The following TNR variants were observed in gnomAD, a reference collection of about 807,000 sequenced individuals.
TNR encodes the protein tenascin-R.
In TNR, 45 loss-of-function variants were observed where a neutral mutation model predicts 150.4. The observed-to-expected ratio is 0.30, with a 90% CI of 0.24 to 0.38. The LOEUF (loss-of-function observed/expected upper bound fraction) is 0.38. TNR is among the 10% of genes least tolerant of loss of function. The probability of loss-of-function intolerance (pLI) is 1.00; values close to 1 mark genes in which losing one functional copy is unlikely to be tolerated. For missense variants in TNR, 1,544 were observed against 1,759.1 expected (o/e 0.88, Z 2.19); for synonymous variants, 687 against 678.4 (o/e 1.01, Z -0.20).
At chr1:175,581,250 A>C (rs1289430509) in intron 1 of TNR, among the ~76,000 whole-genome samples, 1 of 152,166 alleles carries the variant, frequency 6.6e-6, no homozygotes, top group Admixed American at 6.6e-5. Flanking sequence ...TTTCCTCCAG[A>C]GCAGGGGTTG....
At chr1:175,569,035 C>T (rs928380645) in intron 1 of TNR, among the ~76,000 whole-genome samples, 3 of 151,788 alleles carry the variant, frequency 2.0e-5, no homozygotes, top group Admixed American at 6.6e-5. Context: ...AGGAAGGGCC[C>T]GTGGTTGGCC....
chr1:175,694,961 C>T (rs1666469715), intron 1 of TNR, among the ~76,000 whole-genome samples: 2 of 152,322 alleles, frequency 1.3e-5, no homozygotes, highest in South Asian at 4.1e-4. Context: ...CAAACAAACA[C>T]ATCTCAACAA....
rs79843123 is a variant in TNR, at chr1:175,588,136, A to G, written c.-164-59767T>C. 1.7e-3 allele frequency among the ~76,000 whole-genome samples: 260 copies of G among 152,344 alleles called. 4 individuals are homozygous for G. The East Asian group carries it at 0.042, about 24-fold the overall frequency. ...GTGGGATGGACTGCTTTTAGAGATA[A>G]TGAGTTCACAGTCACTGGAGGAATT... On this transcript the variant is annotated intron_variant, in intron 1 of 22. Transcript: ENST00000367674.
At chr1:175,482,862 C>T (rs541872904) in intron 2 of TNR, among the ~76,000 whole-genome samples, 77 of 152,334 alleles carry the variant, frequency 5.1e-4, no homozygotes, top group Non-Finnish European at 6.6e-4. Context: ...TGGGCTTTGT[C>T]TGTGCACTAG....
chr1:175,357,106 T>G (rs1360206170), intron 15 of TNR, among the ~76,000 whole-genome samples: 2 of 152,186 alleles, frequency 1.3e-5, no homozygotes, highest in Non-Finnish European at 2.9e-5. Context: ...TCCAATTTTG[T>G]TAGTTGATTT....
At chr1:175,638,444 T>C (rs1295530413) in intron 1 of TNR, among the ~76,000 whole-genome samples, 5 of 152,224 alleles carry the variant, frequency 3.3e-5, no homozygotes, top group African/African-American at 1.2e-4. Flanking sequence ...CTGACTTTCC[T>C]TCGGATGGCT....
intron 1 of TNR, among the ~76,000 whole-genome samples, chr1:175,691,256 T>C (rs1666362160): frequency 6.6e-6 from 1 of 151,034 alleles, no homozygotes; most frequent in South Asian, 2.1e-4. Flanking sequence ...GAGAAAGTGA[T>C]GTCAAGGAAG....
At chr1:175,625,755 T>G (rs1373861369) in intron 1 of TNR, among the ~76,000 whole-genome samples, 4 of 152,254 alleles carry the variant, frequency 2.6e-5, no homozygotes, top group Non-Finnish European at 5.9e-5. Context: ...GTCCACTTTC[T>G]GCAGAGGGCC....
chr1:175,540,434 T>C (rs1660458438), intron 1 of TNR, among the ~76,000 whole-genome samples: 1 of 152,172 alleles, frequency 6.6e-6, no homozygotes, highest in Non-Finnish European at 1.5e-5. Flanking sequence ...CAATTTCCTT[T>C]CATTGGTCAG....
At chr1:175,432,479 C>T (rs925989483) in intron 2 of TNR, among the ~76,000 whole-genome samples, 1 of 152,148 alleles carries the variant, frequency 6.6e-6, no homozygotes, top group Non-Finnish European at 1.5e-5. Context: ...GTAACACCTG[C>T]ATTACATTTT....
chr1:175,407,305 C>T (rs1654010166), intron 2 of TNR, among the ~76,000 whole-genome samples: 1 of 152,174 alleles, frequency 6.6e-6, no homozygotes, highest in South Asian at 2.1e-4. Context: ...TAATATAGTT[C>T]CAGGTAATTG....
chr1:175,360,420 G>C (rs1461842275), intron 14 of TNR, among the ~76,000 whole-genome samples: 1 of 152,196 alleles, frequency 6.6e-6, no homozygotes, highest in African/African-American at 2.4e-5. Flanking sequence ...GGCTTAGGTA[G>C]GTCAAAAGGG....
In TNR at chr1:175,322,640, G is replaced by A. The variant is rs1649120019; in HGVS notation, c.*717C>T. The A allele has an allele frequency of 6.6e-6, 1 of 152,336 alleles. No individual in the cohort carries two copies. Among genetic ancestry groups the A allele is most frequent in the South Asian group, 2.1e-4 (1 of 4,834 alleles). The allele number at this position is 152,336 out of a possible 1,614,324, so 9.4% of individuals were successfully genotyped here. A position where few individuals can be genotyped will look rare whatever the true frequency, so the allele number is the denominator to read the frequency against. On this transcript the variant is annotated 3_prime_UTR_variant, in exon 23 of 23. Transcript: ENST00000367674. ...CAAAAAATAAAAGAAAAATCAGCCA[G>A]GTATGGTGGCTCATGCCTGTAGTCC...
At chr1:175,512,955 G>A (rs1435397018) in intron 2 of TNR, among the ~76,000 whole-genome samples, 7 of 152,138 alleles carry the variant, frequency 4.6e-5, no homozygotes, top group Non-Finnish European at 1.0e-4. Flanking sequence ...TGACTGAATG[G>A]ACCAAGGCAT....
chr1:175,403,949 A>G (rs187729991), intron 3 of TNR, among the ~76,000 whole-genome samples: 4 of 152,160 alleles, frequency 2.6e-5, no homozygotes, highest in Non-Finnish European at 5.9e-5. Context: ...AGGTGTTCCC[A>G]GAAAAAACTG....
intron 2 of TNR, among the ~76,000 whole-genome samples, chr1:175,487,818 T>C (rs2102135486): frequency 6.6e-6 from 1 of 152,304 alleles, no homozygotes; most frequent in Admixed American, 6.5e-5. Context: ...TAATACCAAA[T>C]GGAATTGTTA....
chr1:175,671,148 A>C (rs148200525), intron 1 of TNR, among the ~76,000 whole-genome samples: 102 of 152,310 alleles, frequency 6.7e-4, no homozygotes, highest in African/African-American at 2.4e-3. Flanking sequence ...AGACTGGCCA[A>C]AGTTGAGCCC....
chr1:175,590,987 A>G (rs908592611), intron 1 of TNR, among the ~76,000 whole-genome samples: 1 of 152,250 alleles, frequency 6.6e-6, no homozygotes, highest in Admixed American at 6.5e-5. Context: ...CAAGGAGTGC[A>G]GGGACAGACT....
At chr1:175,665,474 T>C (rs55797642) in intron 1 of TNR, among the ~76,000 whole-genome samples, 5,452 of 152,226 alleles carry the variant, frequency 0.036, 265 homozygotes, top group African/African-American at 0.11. Context: ...TGTCCACTCA[T>C]ATCCTGGAGG....
Sources: allele counts gnomAD v4.1 joint callset (sites outside exome capture counted in the v4.1 genomes callset), GRCh38; gene constraint gnomAD v4.1.1; transcripts MANE v1.5; gene names NCBI Gene and HGNC (gene_info 2026-07-23, HGNC 2026-07-21).